The following ZNF592 variants were observed in gnomAD, a reference collection of about 807,000 sequenced individuals.
The protein encoded by ZNF592 is spinocerebellar ataxia, autosomal recessive 5.
In ZNF592, 11 loss-of-function variants were observed where a neutral mutation model predicts 80.3. The ratio of observed to expected loss-of-function variants is 0.14; its 90% CI spans 0.09 to 0.23. The LOEUF (loss-of-function observed/expected upper bound fraction) is 0.23, where lower values mean the gene tolerates loss of function less well. Ranked by LOEUF, ZNF592 falls within the 10% of genes least tolerant of loss-of-function variation. The probability of loss-of-function intolerance (pLI) is 1.00; values close to 1 mark genes in which losing one functional copy is unlikely to be tolerated. For synonymous variants in ZNF592, 646 were observed against 640.3 expected (o/e 1.01, Z -0.13); for missense variants, 1,420 against 1,633.9 (o/e 0.87, Z 2.26).
Position 84,783,049 on chromosome 15 carries a change from G to A in ZNF592, c.374G>A (p.Gly125Asp), listed in dbSNP as rs767164702. 3.1e-6 allele frequency: 5 copies of A among 1,613,996 alleles called. No individual in the cohort carries two copies. The Admixed American group carries it at 5.0e-5, about 16-fold the overall frequency. Residue 125 changes from glycine (G) to aspartate (D), a missense_variant, in exon 4 of 11, where the codon GGC becomes GAC. Physicochemically the swap from Gly to Asp is moderately conservative, Grantham distance 94. Around this residue, in one of 7 missense-constraint regions of ZNF592, gnomAD observed 373 missense variants for 355.5 expected, o/e 1.05. Transcript: ENST00000560079. This position sits in a 1 kb window ranked among gnomAD's most constrained non-coding sequence, Gnocchi z 5.0. ...GGAGACAGTGCCAGGAGTTTCCCTG[G>A]CAAACTGGAGCCTCCCAAGTCAGAG... ...MNGDSARSFPGKLEPPKSEPL... is the reference protein window; with the variant it reads ...MNGDSARSFPDKLEPPKSEPL...
chr15:84,749,800 C>A (rs545381823), intron 1 of ZNF592, among the ~76,000 whole-genome samples: 1 of 152,192 alleles, frequency 6.6e-6, no homozygotes, highest in East Asian at 1.9e-4. Flanking sequence ...CTCACTGTTA[C>A]GTTACACAGT....
chr15:84,783,728 C>T lies in ZNF592; in HGVS notation c.1053C>T (p.Ser351=), dbSNP rs776084033. ...TCAAGCCATCGGACAGCCCTCGTAGCATCTGCAGTGACAGCAGCAGCAAAG... is the reference window on the plus strand; with the variant it reads ...TCAAGCCATCGGACAGCCCTCGTAGTATCTGCAGTGACAGCAGCAGCAAAG... ...KSIKPSDSPR[S]ICSDSSSKGS... The change falls in exon 4 of 11, where the codon AGC becomes AGT. Residue 351 remains serine (S), a synonymous_variant. Transcript: ENST00000560079. This position sits in a 1 kb window ranked among gnomAD's most constrained non-coding sequence, Gnocchi z 5.0. The T allele has an allele frequency of 6.2e-7, 1 of 1,614,256 alleles. No individual in the cohort carries two copies. The highest frequency in any genetic ancestry group is 2.2e-5 in the East Asian group (1 of 44,886).
intron 10 of ZNF592, among the ~76,000 whole-genome samples, chr15:84,801,254 G>T (rs1372846452): frequency 1.3e-5 from 2 of 152,200 alleles, no homozygotes; most frequent in African/African-American, 4.8e-5. Context: ...AAGCTCTGAG[G>T]TAAGACTGCA....
Position 84,798,258 on chromosome 15 carries a change from G to A in ZNF592, c.2577-57G>A. The A allele has an allele frequency of 6.2e-7, 1 of 1,611,840 alleles. No individual in the cohort carries two copies. The highest frequency in any genetic ancestry group is 8.5e-7 in the Non-Finnish European group (1 of 1,179,032). On this transcript the variant is annotated intron_variant, in intron 6 of 10. Coordinates refer to ENST00000560079, the MANE Select transcript of ZNF592 (RefSeq NM_014630.3). This position sits in a 1 kb window ranked among gnomAD's most constrained non-coding sequence, Gnocchi z 4.5. ...CCCTGGTTCAGAGAGAGCAGAGATG[G>A]GTGGAGGGGCTGCATGGTGCCTTGG...
At chr15:84,792,419 A>G (rs977770184) in intron 5 of ZNF592, among the ~76,000 whole-genome samples, 6 of 152,192 alleles carry the variant, frequency 3.9e-5, no homozygotes, top group African/African-American at 9.6e-5. Context: ...AAGTTTTGCA[A>G]TGACTCCCAC....
rs78176947 is a variant in ZNF592 at position 84,775,586 on chromosome 15, C to A, written c.-149-2597C>A. On this transcript the variant is annotated intron_variant, in intron 2 of 10. Coordinates refer to ENST00000560079, the MANE Select transcript of ZNF592 (RefSeq NM_014630.3). Reference sequence around the variant, plus strand: ...TAGCTGGGTTTGCAGGTGCACACCACCATGCCTGGTTAATTTTTGTATTTT... The same window carrying A: ...TAGCTGGGTTTGCAGGTGCACACCAACATGCCTGGTTAATTTTTGTATTTT... 0.031 allele frequency among the ~76,000 whole-genome samples: 4,710 copies of A among 152,184 alleles called. 385 individuals carry two copies. The East Asian group carries it at 0.31, about 10-fold the overall frequency.
chr15:84,750,228 G>T (rs556973373), intron 1 of ZNF592, among the ~76,000 whole-genome samples: 42 of 152,324 alleles, frequency 2.8e-4, no homozygotes, highest in Non-Finnish European at 5.3e-4. Context: ...GCTTGAACCC[G>T]GGAGGCGGAG....
chr15:84,785,028 C>A, intron 4 of ZNF592, 133 bp downstream of exon 4: 1 of 1,099,308 alleles, frequency 9.1e-7, no homozygotes, highest in East Asian at 2.5e-5. Flanking sequence ...GGATGTCTGC[C>A]TGAATATTTA....
intron 2 of ZNF592, among the ~76,000 whole-genome samples, chr15:84,775,911 T>C (rs988681870): frequency 9.2e-5 from 14 of 152,222 alleles, no homozygotes; most frequent in Non-Finnish European, 1.8e-4. Context: ...ATATTCATCT[T>C]TAAAAAATAT....
intron 1 of ZNF592, among the ~76,000 whole-genome samples, chr15:84,758,090 A>G (rs1298115966): frequency 6.6e-6 from 1 of 151,304 alleles, no homozygotes; most frequent in African/African-American, 2.4e-5. Context: ...CTCCTGCCTC[A>G]GCCTCCCGAG....
At chr15:84,779,803 GATCTA>G (rs1342501703) in intron 3 of ZNF592, among the ~76,000 whole-genome samples, 1 of 152,000 alleles carries the variant, frequency 6.6e-6, no homozygotes, top group Non-Finnish European at 1.5e-5. Flanking sequence ...CTTTACTTCT[GATCTA>G]ATCTTTCTCT....
intron 1 of ZNF592, among the ~76,000 whole-genome samples, chr15:84,750,735 G>A (rs528417685): frequency 6.6e-6 from 1 of 152,210 alleles, no homozygotes; most frequent in African/African-American, 2.4e-5. Flanking sequence ...TGATGTTTAG[G>A]CCAAGATCTG....
Position 84,770,479 on chromosome 15 carries a change from T to C in ZNF592, c.-150+5664T>C, listed in dbSNP as rs756285416. 3.7e-4 allele frequency among the ~76,000 whole-genome samples: 56 copies of C among 152,136 alleles called. 1 individual carries two copies. Among genetic ancestry groups the C allele is most frequent in the Non-Finnish European group, 4.4e-5 (3 of 68,026 alleles). ...TGACTTCTGTAGGAATTCTGTGCCCTTGATGAGCCTCAGTGGTGCCCACAG... is the reference window on the plus strand; with the variant it reads ...TGACTTCTGTAGGAATTCTGTGCCCCTGATGAGCCTCAGTGGTGCCCACAG... On this transcript the variant is annotated intron_variant, in intron 2 of 10. Transcript: ENST00000560079.
In ZNF592 at chr15:84,801,968, G is replaced by A. The variant is rs772526347; in HGVS notation, c.3379G>A (p.Ala1127Thr). ...TKRHKSLFQC[A>T]KCSFATDSGL... is the part of the protein sequence containing the mutation. ...AAGGCACAAGTCCCTTTTTCAGTGC[G>A]CGAAATGTAGTTTTGCCACAGACTC... is the stretch of plus-strand genomic sequence containing the variant. Residue 1127 changes from alanine to threonine, a missense_variant, in exon 11 of 11, where the codon GCG becomes ACG. Coordinates refer to ENST00000560079, the MANE Select transcript of ZNF592 (RefSeq NM_014630.3). 7 of 1,613,830 alleles carry A rather than the reference G, an allele frequency of 4.3e-6. No individual in the cohort carries two copies. The highest frequency in any genetic ancestry group is 4.5e-5 in the East Asian group (2 of 44,894).
intron 4 of ZNF592, among the ~76,000 whole-genome samples, chr15:84,789,054 AAAAAAAAAC>A (rs1005792674): frequency 2.0e-5 from 3 of 150,634 alleles, no homozygotes; most frequent in African/African-American, 5.0e-5. Context: ...CTATTTAAAA[AAAAAAAAAC>A]AAAAAAAACA....
At position 84,772,765 on chromosome 15, in the gene ZNF592, G is replaced by A. The variant is rs532416305; in HGVS notation, c.-149-5418G>A. ...TTTTTTTTCTCTCTCACAGTTCAGCGTTCCTTAAATCATGCTGCCTTTAAC... is the reference window on the plus strand; with the variant it reads ...TTTTTTTTCTCTCTCACAGTTCAGCATTCCTTAAATCATGCTGCCTTTAAC... On this transcript the variant is annotated intron_variant, in intron 2 of 10. Transcript: ENST00000560079. 2.0e-5 allele frequency among the ~76,000 whole-genome samples: 3 copies of A among 152,032 alleles called. No individual in the cohort carries two copies. In the South Asian group the frequency reaches 6.2e-4, roughly 32 times the overall value.
intron 1 of ZNF592, among the ~76,000 whole-genome samples, chr15:84,757,807 C>T (rs556738062): frequency 8.9e-5 from 13 of 146,140 alleles, no homozygotes; most frequent in African/African-American, 2.8e-4. Flanking sequence ...TACAGGCACA[C>T]GCTGCCATGT....
intron 5 of ZNF592, 103 bp from the exon 6 acceptor site, chr15:84,797,766 G>A: frequency 7.4e-7 from 1 of 1,353,110 alleles, no homozygotes; most frequent in Non-Finnish European, 1.1e-6. Context: ...AAGGTGCCTG[G>A]ATAGTTCTGT....
chr15:84,800,025 T>A, intron 10 of ZNF592, 48 bp downstream of exon 10: 1 of 1,613,716 alleles, frequency 6.2e-7, no homozygotes, highest in Non-Finnish European at 8.5e-7. Context: ...CAGTGAGGCT[T>A]GGAGCTGGAA....
Sources: allele counts gnomAD v4.1 joint callset (sites outside exome capture counted in the v4.1 genomes callset), GRCh38; gene constraint gnomAD v4.1.1; regional missense constraint gnomAD v4.1.1; non-coding constraint Gnocchi (gnomAD v3.1); transcripts MANE v1.5; gene names NCBI Gene and HGNC (gene_info 2026-07-23, HGNC 2026-07-21).